The following TLE3 variants were observed in gnomAD, a reference collection of about 807,000 sequenced individuals.
TLE3 encodes the protein transducin-like enhancer protein 3.
In TLE3, 14 loss-of-function variants were observed where a neutral mutation model predicts 93.0. That is an observed-to-expected ratio of 0.15 (90% CI 0.10 to 0.24). The LOEUF (loss-of-function observed/expected upper bound fraction) is 0.24, where lower values mean the gene tolerates loss of function less well. Among genes scored for constraint, TLE3 ranks in the 10% least tolerant of loss-of-function variants. TLE3 has a pLI of 1.00. For synonymous variants in TLE3, 451 were observed against 425.0 expected (o/e 1.06, Z -0.75); for missense variants, 693 against 1,046.6 (o/e 0.66, Z 4.66).
intron 8 of TLE3, among the ~76,000 whole-genome samples, chr15:70,061,376 G>A (rs1429190012): frequency 6.6e-6 from 1 of 152,124 alleles, no homozygotes; most frequent in Non-Finnish European, 1.5e-5. Flanking sequence ...CAAGAGGTTG[G>A]TGAATGTGCC....
chr15:70,054,917 G>A, intron 15 of TLE3, 132 bp downstream of exon 15: 1 of 1,342,694 alleles, frequency 7.4e-7, no homozygotes, highest in Non-Finnish European at 9.9e-7. Context: ...GGCTCAGAGA[G>A]GTTAGTCAGC....
At chr15:70,074,738 G>A in intron 5 of TLE3, 131 bp from the exon 6 acceptor site, 2 of 594,564 alleles carry the variant, frequency 3.4e-6, no homozygotes, top group South Asian at 2.4e-5. Flanking sequence ...ACAGGCACAG[G>A]GCACAAGTAG....
intron 6 of TLE3, among the ~76,000 whole-genome samples, chr15:70,069,610 G>C (rs1294821276): frequency 6.6e-6 from 1 of 152,212 alleles, no homozygotes; most frequent in African/African-American, 2.4e-5. Context: ...GTCTCCTTGG[G>C]GTGGTTTGAA....
At chr15:70,078,494 G>A (rs1348133621) in intron 4 of TLE3, among the ~76,000 whole-genome samples, 1 of 152,270 alleles carries the variant, frequency 6.6e-6, no homozygotes, top group Non-Finnish European at 1.5e-5. Context: ...CTGGCACACA[G>A]TAGCTGCTCC....
At chr15:70,068,019 A>G (rs1029615101) in intron 6 of TLE3, among the ~76,000 whole-genome samples, 2 of 152,218 alleles carry the variant, frequency 1.3e-5, no homozygotes, top group African/African-American at 2.4e-5. Context: ...GCGGAGATCC[A>G]ACCCCTCCCA....
Position 70,076,119 on chromosome 15 carries a change from T to G in TLE3, c.274A>C (p.Ile92Leu). The G allele has an allele frequency of 6.2e-7, 1 of 1,614,004 alleles. No individual in the cohort carries two copies. Among genetic ancestry groups the G allele is most frequent in the African/African-American group, 1.3e-5 (1 of 75,058 alleles). Residue 92 changes from isoleucine (I) to leucine (L), a missense_variant, in exon 5 of 20, where the codon ATC becomes CTC. Ile to Leu is a conservative substitution (Grantham distance 5). Coordinates refer to ENST00000451782, the MANE Select transcript of TLE3 (RefSeq NM_001105192.3). ...ACCTCTTGTGACAGGAAAGGCATGA[T>G]CTGTGCTAAAATTGTGTTCAGTCTC... ...AKRLNTILAQ[I>L]MPFLSQEHQQ...
chr15:70,051,614 T>C (rs563228208), intron 18 of TLE3, 147 bp from the exon 19 acceptor site: 6 of 212,836 alleles, frequency 2.8e-5, no homozygotes, highest in Middle Eastern at 6.6e-4. Flanking sequence ...ATTTTGCAAA[T>C]GGGACATGCG....
chr15:70,070,757 G>A (rs1437714508), intron 6 of TLE3, among the ~76,000 whole-genome samples: 1 of 152,144 alleles, frequency 6.6e-6, no homozygotes, highest in Non-Finnish European at 1.5e-5. Context: ...TGGCTGCCTG[G>A]CTGAAAGACG....
chr15:70,057,121 G>T (rs1181566058), intron 13 of TLE3, among the ~76,000 whole-genome samples: 1 of 152,210 alleles, frequency 6.6e-6, no homozygotes, highest in Non-Finnish European at 1.5e-5. Context: ...CGAGACCCCT[G>T]CTCCATGGAC....
chr15:70,070,658 T>C (rs1364823941), intron 6 of TLE3, among the ~76,000 whole-genome samples: 1 of 152,184 alleles, frequency 6.6e-6, no homozygotes, highest in Non-Finnish European at 1.5e-5. Context: ...ACTTCAGAGA[T>C]GGTGAACAGG....
intron 4 of TLE3, among the ~76,000 whole-genome samples, chr15:70,083,535 T>TCCCC (rs912239949): frequency 3.9e-5 from 3 of 76,892 alleles, no homozygotes. Context: ...CCTCTCTCCT[T>TCCCC]CCCCCTCCTC....
Position 70,051,427 on chromosome 15 carries a change from G to A in TLE3, c.2166C>T (p.Asn722=), listed in dbSNP as rs759667421. ...TGGCTCCATAAGGCGTCCTCCAGGC[G>A]TTGAGAAGGTTATCTTTCCCAGTGC... ...FVSTGKDNLL[N]AWRTPYGASI... Residue 722 remains asparagine (N), a synonymous_variant, in exon 19 of 20, where the codon AAC becomes AAT. Transcript: ENST00000451782. 1.2e-5 allele frequency: 20 copies of A among 1,610,446 alleles called. No individual in the cohort carries two copies. Among genetic ancestry groups the A allele is most frequent in the African/African-American group, 2.7e-5 (2 of 75,008 alleles).
chr15:70,064,554 A>G (rs944663687), intron 7 of TLE3, 84 bp from the exon 8 acceptor site: 126 of 1,584,972 alleles, frequency 7.9e-5, no homozygotes, highest in Non-Finnish European at 1.0e-4. Context: ...AGGTCAGTCT[A>G]AGTCCAGCTG....
rs1567061977 is a variant in TLE3, at chr15:70,094,624, C to A, written c.190-48G>T. 4.3e-6 allele frequency: 6 copies of A among 1,389,348 alleles called. No individual in the cohort carries two copies. In the South Asian group the frequency reaches 6.8e-5, roughly 16 times the overall value. The allele number at this position is 1,389,348 out of a possible 1,614,324, so 86.1% of individuals were successfully genotyped here. ...TTAACAGACAACACAGAAATCTGGT[C>A]ATTTTTCAAAATCAGTTTTTTCTTG... On this transcript the variant is annotated intron_variant, in intron 3 of 19. Coordinates refer to ENST00000451782, the MANE Select transcript of TLE3 (RefSeq NM_001105192.3).
At chr15:70,078,589 C>T (rs1161597776) in intron 4 of TLE3, among the ~76,000 whole-genome samples, 1 of 152,240 alleles carries the variant, frequency 6.6e-6, no homozygotes, top group Non-Finnish European at 1.5e-5. Context: ...TGCTGTGGAT[C>T]TGGGCCTGCC....
chr15:70,079,397 C>T (rs753617436), intron 4 of TLE3: 5 of 427,378 alleles, frequency 1.2e-5, no homozygotes, highest in East Asian at 1.7e-4. Context: ...GCTGGGCTTA[C>T]GTTGGGAGAA....
chr15:70,056,989 G>C (rs776511898), intron 13 of TLE3, among the ~76,000 whole-genome samples: 5 of 152,190 alleles, frequency 3.3e-5, no homozygotes, highest in Non-Finnish European at 5.9e-5. Flanking sequence ...CTGACCCCAG[G>C]TGATCCACCC....
chr15:70,066,417 A>T (rs1241974774), intron 6 of TLE3, among the ~76,000 whole-genome samples, 199 bp from the exon 7 acceptor site: 1 of 151,876 alleles, frequency 6.6e-6, no homozygotes, highest in Non-Finnish European at 1.5e-5. Flanking sequence ...CTGTTAATAG[A>T]CTGTAATGTA....
At position 70,058,036 on chromosome 15, in the gene TLE3, G is replaced by T; in HGVS notation, c.1051+123C>A. On this transcript the variant is annotated intron_variant, in intron 12 of 19. Coordinates refer to ENST00000451782, the MANE Select transcript of TLE3 (RefSeq NM_001105192.3). The surrounding 1 kb of genome is among the most constrained non-coding windows in gnomAD (Gnocchi z 4.1). Reference sequence around the variant, plus strand: ...AAATCTGACCGTGAAGTCCCCAGGGGCAGGCCCTGGGAGACACTGCCTGTG... The same window carrying T: ...AAATCTGACCGTGAAGTCCCCAGGGTCAGGCCCTGGGAGACACTGCCTGTG... 1 of 1,431,104 alleles carries T rather than the reference G, an allele frequency of 7.0e-7. No individual in the cohort carries two copies. The highest frequency in any genetic ancestry group is 9.5e-7 in the Non-Finnish European group (1 of 1,053,400). The allele number at this position is 1,431,104 out of a possible 1,614,324, so 88.7% of individuals were successfully genotyped here.
Sources: allele counts gnomAD v4.1 joint callset (sites outside exome capture counted in the v4.1 genomes callset), GRCh38; gene constraint gnomAD v4.1.1; non-coding constraint Gnocchi (gnomAD v3.1); transcripts MANE v1.5; gene names NCBI Gene and HGNC (gene_info 2026-07-23, HGNC 2026-07-21).